RTN3: variants seen among roughly 807,000 people sequenced by gnomAD.
RTN3 encodes reticulon-3.
Under a neutral mutation model 77.8 loss-of-function variants are expected in RTN3, and 49 were observed. The ratio of observed to expected loss-of-function variants is 0.63; its 90% CI spans 0.50 to 0.80. RTN3 has a LOEUF of 0.80. Ranked by LOEUF, RTN3 falls within the 30% of genes least tolerant of loss-of-function variation. The probability of loss-of-function intolerance (pLI) is 0.00; values close to 1 mark genes in which losing one functional copy is unlikely to be tolerated. For missense variants in RTN3, 1,236 were observed against 1,211.9 expected (o/e 1.02, Z -0.29); for synonymous variants, 464 against 446.9 (o/e 1.04, Z -0.48).
chr11:63,731,204 C>T (rs971703826), intron 3 of RTN3, among the ~76,000 whole-genome samples: 25 of 152,072 alleles, frequency 1.6e-4, no homozygotes, highest in African/African-American at 5.5e-4. Context: ...CCTCAACCTC[C>T]CGAGTAGCTG....
chr11:63,759,848 T>G lies in RTN3; in HGVS notation c.*1647T>G, dbSNP rs2014579514. On this transcript the variant is annotated 3_prime_UTR_variant, in exon 9 of 9. Transcript: ENST00000377819. Reference sequence around the variant, plus strand: ...CTTGAATCTTGGTTCCTGTAAAATTTCAAATTGATGTGGTATTAATAAAAA... The same window carrying G: ...CTTGAATCTTGGTTCCTGTAAAATTGCAAATTGATGTGGTATTAATAAAAA... 6.6e-6 allele frequency: 1 copy of G among 150,926 alleles called. No homozygotes were observed. Among genetic ancestry groups the G allele is most frequent in the African/African-American group, 2.5e-5 (1 of 40,544 alleles). 9.3% of individuals were successfully genotyped at this position (150,926 alleles called of 1,614,324 possible). A position where few individuals can be genotyped will look rare whatever the true frequency, so the allele number is the denominator to read the frequency against.
At chr11:63,694,825 A>T (rs1480584293) in intron 1 of RTN3, among the ~76,000 whole-genome samples, 2 of 152,164 alleles carry the variant, frequency 1.3e-5, no homozygotes, top group African/African-American at 2.4e-5. Flanking sequence ...CTTTTGCAAC[A>T]AGAGTTCTGC....
intron 3 of RTN3, among the ~76,000 whole-genome samples, chr11:63,744,199 A>C (rs546183159): frequency 5.0e-5 from 6 of 120,858 alleles, no homozygotes; most frequent in Non-Finnish European, 6.4e-5. Context: ...CCGAGACCAC[A>C]CCATTGCACT....
chr11:63,729,925 T>C (rs1565329856), intron 3 of RTN3, among the ~76,000 whole-genome samples: 2 of 151,994 alleles, frequency 1.3e-5, no homozygotes. Flanking sequence ...TTTGGGACTA[T>C]AGGTATATGC....
intron 1 of RTN3, among the ~76,000 whole-genome samples, chr11:63,693,199 T>C (rs1941756823): frequency 6.6e-6 from 1 of 152,164 alleles, no homozygotes; most frequent in Non-Finnish European, 1.5e-5. Flanking sequence ...AACAAAGTAT[T>C]GTGGCCAGAT....
chr11:63,711,389 T>TA (rs1374229390), intron 2 of RTN3, among the ~76,000 whole-genome samples: 3 of 151,736 alleles, frequency 2.0e-5, no homozygotes, highest in Non-Finnish European at 4.4e-5. Context: ...TTTTTATTTT[T>TA]TTTTTGTTAT....
At chr11:63,687,643 T>A (rs1291556019) in intron 1 of RTN3, among the ~76,000 whole-genome samples, 2 of 151,630 alleles carry the variant, frequency 1.3e-5, no homozygotes, top group East Asian at 3.9e-4. Context: ...TTTATAGGGC[T>A]TAACACAGTG....
In RTN3 at chr11:63,718,778, A is replaced by ACATAACACTGGC; in HGVS notation, c.278_289dup (p.His93_Gly96dup). ...CTTCCTTTCTTTCATCTTCTGAAAT[A>ACATAACACTGGC]CATAACACTGGCCTTACAATACTAC... On this transcript the variant is annotated inframe_insertion, in exon 3 of 9. Coordinates refer to ENST00000377819, the MANE Select transcript of RTN3 (RefSeq NM_001265589.2). 6.2e-7 allele frequency: 1 copy of ACATAACACTGGC among 1,611,994 alleles called. No homozygotes were observed. Among genetic ancestry groups the ACATAACACTGGC allele is most frequent in the African/African-American group, 1.3e-5 (1 of 74,870 alleles).
intron 4 of RTN3, among the ~76,000 whole-genome samples, chr11:63,751,206 C>T (rs769389379): frequency 6.6e-6 from 1 of 152,200 alleles, no homozygotes; most frequent in Non-Finnish European, 1.5e-5. Context: ...GAAAGCAGAG[C>T]ACCTAGAGCA....
chr11:63,731,198 A>T (rs1244573345), intron 3 of RTN3, among the ~76,000 whole-genome samples: 1 of 152,010 alleles, frequency 6.6e-6, no homozygotes, highest in Non-Finnish European at 1.5e-5. Context: ...ATTGTGCCTC[A>T]ACCTCCCGAG....
chr11:63,753,243 T>G, intron 6 of RTN3, 105 bp downstream of exon 6: 1 of 1,132,844 alleles, frequency 8.8e-7, no homozygotes, highest in South Asian at 1.4e-5. Flanking sequence ...TTGCCCAGTC[T>G]TGACCCATAG....
intron 2 of RTN3, among the ~76,000 whole-genome samples, chr11:63,709,449 T>C (rs1452070673): frequency 1.3e-5 from 2 of 152,114 alleles, no homozygotes. Context: ...CCATGCCGCA[T>C]TGGAAGCATT....
At chr11:63,734,781 A>ACACCC (rs778043704) in intron 3 of RTN3, among the ~76,000 whole-genome samples, 2 of 105,000 alleles carry the variant, frequency 1.9e-5, no homozygotes, top group Non-Finnish European at 4.0e-5. Flanking sequence ...ACACACACAC[A>ACACCC]CCATACTGGA....
intron 3 of RTN3, among the ~76,000 whole-genome samples, chr11:63,748,389 C>A (rs1474190118): frequency 6.6e-6 from 1 of 150,838 alleles, no homozygotes; most frequent in Non-Finnish European, 1.5e-5. Context: ...ATTCTGTCAC[C>A]CAGGCTGGAG....
At chr11:63,707,489 T>A (rs1341039990) in intron 2 of RTN3, among the ~76,000 whole-genome samples, 1 of 152,124 alleles carries the variant, frequency 6.6e-6, no homozygotes, top group Non-Finnish European at 1.5e-5. Flanking sequence ...CAAAAAAAAT[T>A]TTTTGACCAA....
intron 2 of RTN3, among the ~76,000 whole-genome samples, chr11:63,709,534 T>C (rs1285207303): frequency 4.6e-5 from 7 of 151,868 alleles, no homozygotes; most frequent in Admixed American, 4.6e-4. Flanking sequence ...CCCTGAACTT[T>C]GGGGGCAAGC....
At chr11:63,750,404 G>A (rs2014037802) in intron 4 of RTN3, 1 of 556,346 alleles carries the variant, frequency 1.8e-6, no homozygotes, top group Non-Finnish European at 3.2e-6. Flanking sequence ...ACAAATTAGA[G>A]GCTCATACTT....
intron 3 of RTN3, among the ~76,000 whole-genome samples, chr11:63,736,106 A>G (rs1327153413): frequency 6.6e-6 from 1 of 152,178 alleles, no homozygotes; most frequent in Non-Finnish European, 1.5e-5. Context: ...TCTGAGACTC[A>G]GGGACCTCTT....
intron 2 of RTN3, among the ~76,000 whole-genome samples, chr11:63,716,985 A>AAC (rs1232999367): frequency 6.7e-6 from 1 of 149,060 alleles, no homozygotes. Context: ...AAAACAAAAA[A>AAC]AAAAAAAAAA....
Sources: allele counts gnomAD v4.1 joint callset (sites outside exome capture counted in the v4.1 genomes callset), GRCh38; gene constraint gnomAD v4.1.1; transcripts MANE v1.5; gene names NCBI Gene and HGNC (gene_info 2026-07-23, HGNC 2026-07-21).